CCDC191: variants seen among roughly 807,000 people sequenced by gnomAD.
The protein encoded by CCDC191 is coiled-coil domain containing 191.
CCDC191 carries 99 observed loss-of-function variants against 114.0 expected under a neutral mutation model. The observed-to-expected ratio is 0.87, with a 90% CI of 0.74 to 1.03. The LOEUF (loss-of-function observed/expected upper bound fraction) is 1.03. Ranked by LOEUF, CCDC191 falls within the 50% of genes least tolerant of loss-of-function variation. CCDC191 has a pLI of 0.00. For missense variants in CCDC191, 973 were observed against 1,087.0 expected (o/e 0.90, Z 1.47); for synonymous variants, 351 against 376.0 (o/e 0.93, Z 0.77).
chr3:113,979,406 G>A (rs998466220), intron 14 of CCDC191, among the ~76,000 whole-genome samples: 58 of 152,196 alleles, frequency 3.8e-4, no homozygotes, highest in Non-Finnish European at 5.9e-5. Flanking sequence ...CTGTCTAATT[G>A]AGGAAATGCC....
intron 2 of CCDC191, among the ~76,000 whole-genome samples, chr3:114,047,352 C>T (rs917962390): frequency 6.6e-6 from 1 of 152,102 alleles, no homozygotes; most frequent in African/African-American, 2.4e-5. Context: ...TTTTTATTTA[C>T]CTGCACAGAA....
At chr3:114,012,810 A>C (rs529652432) in intron 8 of CCDC191, among the ~76,000 whole-genome samples, 41 of 152,298 alleles carry the variant, frequency 2.7e-4, no homozygotes, top group African/African-American at 9.9e-4. Context: ...TTTGACTGTC[A>C]AGGAGATTAT....
chr3:114,031,387 C>CT (rs900474166), intron 7 of CCDC191, among the ~76,000 whole-genome samples: 1 of 152,154 alleles, frequency 6.6e-6, no homozygotes, highest in Non-Finnish European at 1.5e-5. Context: ...ATTTACCCCC[C>CT]TCACCCCAGT....
intron 2 of CCDC191, chr3:114,047,172 A>G: frequency 1.1e-6 from 1 of 938,448 alleles, no homozygotes; most frequent in African/African-American, 1.8e-5. Flanking sequence ...GAAATCTCCC[A>G]TCTCATATTA....
intron 7 of CCDC191, among the ~76,000 whole-genome samples, chr3:114,029,579 A>G (rs762074796): frequency 3.3e-5 from 5 of 152,184 alleles, no homozygotes; most frequent in Non-Finnish European, 5.9e-5. Flanking sequence ...TTACAGAGAA[A>G]CAAAATATTT....
intron 8 of CCDC191, among the ~76,000 whole-genome samples, chr3:114,013,872 C>T (rs1388578461): frequency 6.6e-6 from 1 of 152,160 alleles, no homozygotes; most frequent in Non-Finnish European, 1.5e-5. Context: ...GGGACAGCAA[C>T]TGAGTTTCTA....
In CCDC191 at chr3:114,046,905, G is replaced by A. The variant is rs148864391; in HGVS notation, c.130-173C>T. 706 of 979,038 alleles carry A rather than the reference G, an allele frequency of 7.2e-4. 7 individuals are homozygous for A. The African/African-American group carries it at 0.012, about 16-fold the overall frequency. The allele number at this position is 979,038 out of a possible 1,614,324, so 60.6% of individuals were successfully genotyped here. A position where few individuals can be genotyped will look rare whatever the true frequency, so the allele number is the denominator to read the frequency against. On this transcript the variant is annotated intron_variant, in intron 2 of 16. Transcript: ENST00000295878. ...CATCTACCCCCAAATATTCTGGGAG[G>A]TTTCATATATAATATTAAATTAATT... is the stretch of plus-strand genomic sequence containing the variant.
chr3:114,018,251 G>A (rs1263455505), intron 8 of CCDC191, among the ~76,000 whole-genome samples: 1 of 152,200 alleles, frequency 6.6e-6, no homozygotes, highest in East Asian at 1.9e-4. Context: ...AGGGTACAAT[G>A]CTACTACACC....
intron 13 of CCDC191, among the ~76,000 whole-genome samples, chr3:113,986,059 T>TA (rs1157029968): frequency 6.6e-6 from 1 of 152,154 alleles, no homozygotes; most frequent in African/African-American, 2.4e-5. Context: ...AAAATAATGT[T>TA]AAATGTTCTA....
intron 13 of CCDC191, chr3:113,984,241 A>G (rs1049941052): frequency 1.5e-4 from 23 of 151,326 alleles, no homozygotes; most frequent in African/African-American, 5.3e-4. Flanking sequence ...TTTTTTATCT[A>G]TGTCATTAGA....
chr3:114,034,433 A>G (rs779966316), intron 6 of CCDC191, among the ~76,000 whole-genome samples: 4 of 152,192 alleles, frequency 2.6e-5, no homozygotes, highest in Non-Finnish European at 5.9e-5. Context: ...CAATTTGGCA[A>G]TGTTTCAAGA....
chr3:114,018,713 A>G lies in CCDC191; in HGVS notation c.1128T>C (p.Thr376=). ...YTRFQKLERE[T]QALENDLREE... The stretch of plus-strand genomic sequence containing the variant: ...CCCTAAGATCATTTTCCAAGGCTTG[A>G]GTCTCCCGCTCCAACTTCTGGAATC... The change falls in exon 8 of 17, where the codon ACT becomes ACC. Residue 376 remains threonine, a synonymous_variant. Transcript: ENST00000295878. 6.2e-7 allele frequency: 1 copy of G among 1,612,336 alleles called. No individual in the cohort carries two copies. The highest frequency in any genetic ancestry group is 8.5e-7 in the Non-Finnish European group (1 of 1,179,316).
intron 11 of CCDC191, chr3:114,002,943 A>T: frequency 1.0e-6 from 1 of 984,424 alleles, no homozygotes; most frequent in South Asian, 4.7e-5. Context: ...ATCGTTCCTC[A>T]AATCCTATTG....
At chr3:113,966,185 A>G (rs534966614) in intron 16 of CCDC191, among the ~76,000 whole-genome samples, 2 of 152,320 alleles carry the variant, frequency 1.3e-5, no homozygotes, top group South Asian at 2.1e-4. Context: ...CCTGACCTCC[A>G]ACAGCAGCAA....
In CCDC191 at chr3:114,005,633, C is replaced by A. The variant is rs770446442; in HGVS notation, c.1743G>T (p.Lys581Asn). 1 of 1,614,140 alleles carries A rather than the reference C, an allele frequency of 6.2e-7. No homozygotes were observed. The highest frequency in any genetic ancestry group is 1.1e-5 in the South Asian group (1 of 91,090). Reference sequence around the variant, plus strand: ...GAGCCTCTGCCAGCTGCAGGTTTTTCTTCAGCTCGAGAATTGTTTTCTGCT... The same window carrying A: ...GAGCCTCTGCCAGCTGCAGGTTTTTATTCAGCTCGAGAATTGTTTTCTGCT... ...QEQQKTILELKKNLQLAEAQW... is the reference protein window; with the variant it reads ...QEQQKTILELNKNLQLAEAQW... Residue 581 changes from lysine (K) to asparagine (N), a missense_variant, in exon 10 of 17, where the codon AAG (lysine) becomes AAT (asparagine). Coordinates refer to ENST00000295878, the MANE Select transcript of CCDC191 (RefSeq NM_020817.2).
intron 13 of CCDC191, among the ~76,000 whole-genome samples, chr3:114,000,913 C>CA (rs2075843448): frequency 6.6e-6 from 1 of 152,082 alleles, no homozygotes; most frequent in Non-Finnish European, 1.5e-5. Flanking sequence ...CTCAGCCTCC[C>CA]AAAAGTTCTG....
At chr3:114,004,872 T>C in intron 10 of CCDC191, 126 bp from the exon 11 acceptor site, 1 of 955,602 alleles carries the variant, frequency 1.0e-6, no homozygotes, top group East Asian at 2.9e-5. Context: ...TAACTACATA[T>C]TATATCCACT....
chr3:113,979,382 T>C (rs976069958), intron 14 of CCDC191, among the ~76,000 whole-genome samples: 10 of 152,228 alleles, frequency 6.6e-5, no homozygotes, highest in African/African-American at 2.4e-4. Context: ...CCTCTCTTTC[T>C]CATGACTTAA....
At chr3:114,005,087 T>G (rs1457081843) in intron 10 of CCDC191, among the ~76,000 whole-genome samples, 3 of 152,140 alleles carry the variant, frequency 2.0e-5, no homozygotes, top group African/African-American at 7.2e-5. Flanking sequence ...GGGCTCTTAT[T>G]TGAGGCTCAA....
Sources: allele counts gnomAD v4.1 joint callset (sites outside exome capture counted in the v4.1 genomes callset), GRCh38; gene constraint gnomAD v4.1.1; transcripts MANE v1.5; gene names NCBI Gene and HGNC (gene_info 2026-07-23, HGNC 2026-07-21).